Variants in NPFFR2 observed in about 807,000 individuals in gnomAD.
NPFFR2 encodes the protein neuropeptide FF receptor 2.
NPFFR2 carries 15 observed loss-of-function variants against 13.1 expected under a neutral mutation model. The observed-to-expected ratio is 1.15, with a 90% confidence interval of 0.77 to 1.76. The LOEUF is 1.76. Ranked by LOEUF, NPFFR2 falls within the 40% of genes most tolerant of loss-of-function variation. The pLI, the probability that NPFFR2 is intolerant of heterozygous loss-of-function variation, is 0.00. For missense variants in NPFFR2, 572 were observed against 503.5 expected (o/e 1.14, Z -1.30); for synonymous variants, 190 against 175.7 (o/e 1.08, Z -0.65).
intron 1 of NPFFR2, among the ~76,000 whole-genome samples, chr4:72,044,288 G>A (rs1418276721): frequency 6.6e-6 from 1 of 152,156 alleles, no homozygotes; most frequent in Non-Finnish European, 1.5e-5. Flanking sequence ...CCAATGTCAA[G>A]AAATGTATTC....
At chr4:72,108,397 T>C (rs942251858) in intron 1 of NPFFR2, among the ~76,000 whole-genome samples, 3 of 151,950 alleles carry the variant, frequency 2.0e-5, no homozygotes, top group Non-Finnish European at 2.9e-5. Context: ...TTCCCCTGGG[T>C]GCAATCTCCT....
chr4:72,059,324 C>G (rs904991969), intron 1 of NPFFR2, among the ~76,000 whole-genome samples: 1 of 152,006 alleles, frequency 6.6e-6, no homozygotes, highest in Non-Finnish European at 1.5e-5. Flanking sequence ...ACTACTATCT[C>G]TGCACACTGA....
At chr4:72,134,993 G>C (rs1218473121) in intron 2 of NPFFR2, among the ~76,000 whole-genome samples, 1 of 152,094 alleles carries the variant, frequency 6.6e-6, no homozygotes, top group Admixed American at 6.6e-5. Context: ...TTGTCTGCAA[G>C]TATCTTTATT....
chr4:72,100,325 C>T (rs542073681), intron 1 of NPFFR2, among the ~76,000 whole-genome samples: 1 of 152,132 alleles, frequency 6.6e-6, no homozygotes, highest in South Asian at 2.1e-4. Context: ...CAAATTTTGG[C>T]TCTGTTGCTT....
chr4:72,143,612 A>C (rs767742889), intron 3 of NPFFR2, among the ~76,000 whole-genome samples: 2 of 152,148 alleles, frequency 1.3e-5, no homozygotes, highest in African/African-American at 2.4e-5. Flanking sequence ...AATAAGATTC[A>C]ATCTCAGCAC....
At chr4:72,143,116 T>C (rs1476871991) in intron 3 of NPFFR2, among the ~76,000 whole-genome samples, 1 of 152,140 alleles carries the variant, frequency 6.6e-6, no homozygotes, top group Non-Finnish European at 1.5e-5. Context: ...GACAAGTATA[T>C]ACTTATGGCA....
At chr4:72,103,240 A>G (rs1721309054) in intron 1 of NPFFR2, among the ~76,000 whole-genome samples, 1 of 152,170 alleles carries the variant, frequency 6.6e-6, no homozygotes, top group Non-Finnish European at 1.5e-5. Context: ...GGTCTGCTAC[A>G]GTTTGAATGT....
chr4:72,085,055 T>TA (rs11407684), intron 1 of NPFFR2, among the ~76,000 whole-genome samples: 144,535 of 150,530 alleles, frequency 0.96, 69,661 homozygotes, highest in Non-Finnish European at 1. Flanking sequence ...ATAATGTGCT[T>TA]AAAAAAAAAG....
intron 1 of NPFFR2, chr4:72,039,410 A>G (rs1381436726): frequency 1.0e-6 from 1 of 984,380 alleles, no homozygotes; most frequent in Non-Finnish European, 1.2e-6. Flanking sequence ...CTTCCATATT[A>G]CAGGTAACCA....
chr4:72,075,079 G>C (rs1720386206), intron 1 of NPFFR2, among the ~76,000 whole-genome samples: 1 of 152,118 alleles, frequency 6.6e-6, no homozygotes, highest in South Asian at 2.1e-4. Context: ...TGCCAACGAA[G>C]ATTACCATTT....
chr4:72,121,081 A>AGCAC (rs1231016977), intron 1 of NPFFR2, among the ~76,000 whole-genome samples: 1 of 152,114 alleles, frequency 6.6e-6, no homozygotes, highest in East Asian at 1.9e-4. Context: ...TGAAAAACAC[A>AGCAC]GCACGAGAAC....
At chr4:72,042,103 T>G (rs976799583) in intron 1 of NPFFR2, among the ~76,000 whole-genome samples, 2 of 152,208 alleles carry the variant, frequency 1.3e-5, no homozygotes, top group African/African-American at 4.8e-5. Context: ...AATCTCATTT[T>G]GAATTATAGT....
intron 1 of NPFFR2, 67 bp from the exon 2 acceptor site, chr4:72,128,518 C>A: frequency 2.1e-6 from 2 of 952,284 alleles, no homozygotes; most frequent in Non-Finnish European, 3.1e-6. Flanking sequence ...CTCTTAAACT[C>A]AGGCACAGAA....
At chr4:72,049,498 A>G (rs1285641025) in intron 1 of NPFFR2, among the ~76,000 whole-genome samples, 1 of 152,092 alleles carries the variant, frequency 6.6e-6, no homozygotes. Flanking sequence ...GCTGTAGAAA[A>G]CAGACTGCCA....
chr4:72,046,837 G>T (rs1719395087), intron 1 of NPFFR2, among the ~76,000 whole-genome samples: 1 of 152,174 alleles, frequency 6.6e-6, no homozygotes, highest in Non-Finnish European at 1.5e-5. Context: ...AAGGCTGATT[G>T]AAATATTAAA....
intron 1 of NPFFR2, among the ~76,000 whole-genome samples, chr4:72,086,698 A>G (rs1349397468): frequency 6.6e-6 from 1 of 152,134 alleles, no homozygotes; most frequent in Non-Finnish European, 1.5e-5. Flanking sequence ...ATACTTTAAA[A>G]TCTCATTAAC....
chr4:72,038,944 G>A (rs1405040647), intron 1 of NPFFR2, among the ~76,000 whole-genome samples: 1 of 104,268 alleles, frequency 9.6e-6, no homozygotes, highest in East Asian at 3.4e-4. Context: ...AGTCTCTGTC[G>A]CCCAGGCTAG....
intron 1 of NPFFR2, among the ~76,000 whole-genome samples, chr4:72,124,234 T>C (rs1431432251): frequency 1.3e-5 from 2 of 152,094 alleles, no homozygotes; most frequent in Non-Finnish European, 2.9e-5. Context: ...CAAGGAGAAC[T>C]ACAAACCACT....
At chr4:72,080,395 C>A (rs1023782961) in intron 1 of NPFFR2, among the ~76,000 whole-genome samples, 9 of 152,016 alleles carry the variant, frequency 5.9e-5, no homozygotes, top group African/African-American at 2.2e-4. Context: ...TAACTCCTGA[C>A]CTCGTGATCT....
Sources: allele counts gnomAD v4.1 joint callset (sites outside exome capture counted in the v4.1 genomes callset), GRCh38; gene constraint gnomAD v4.1.1; transcripts MANE v1.5; gene names NCBI Gene and HGNC (gene_info 2026-07-23, HGNC 2026-07-21).